CNBD1: variants seen among roughly 807,000 people sequenced by gnomAD.
CNBD1 encodes cyclic nucleotide-binding domain-containing protein 1.
A neutral mutation model predicts 54.4 loss-of-function variants in CNBD1; 71 were observed. The ratio of observed to expected loss-of-function variants is 1.30; its 90% CI spans 1.08 to 1.59. CNBD1 has a LOEUF of 1.59. CNBD1 is among the 40% of genes most tolerant of loss of function. The pLI is 0.00. For synonymous variants in CNBD1, 182 were observed against 170.7 expected (o/e 1.07, Z -0.51); for missense variants, 659 against 518.0 (o/e 1.27, Z -2.64).
At chr8:87,413,631 G>C (rs1208107842) in intron 2 of CNBD1, among the ~76,000 whole-genome samples, 1 of 151,996 alleles carries the variant, frequency 6.6e-6, no homozygotes, top group Non-Finnish European at 1.5e-5. Context: ...ATCTGACAAA[G>C]GGCTAATATC....
chr8:87,083,585 C>CTTTTTTTT (rs752855766), intron 4 of CNBD1, among the ~76,000 whole-genome samples: 1 of 117,162 alleles, frequency 8.5e-6, no homozygotes, highest in African/African-American at 3.3e-5. Context: ...CAATGTATTT[C>CTTTTTTTT]TTTTTTTTTT....
In CNBD1 at chr8:87,032,728, T is replaced by C. The variant is rs186396602; in HGVS notation, c.431+92974T>C. ...TCATTCTTCCACCATTTGCTTTAGT[T>C]TCATTGCCCATATTGTAGAAAGATC... On this transcript the variant is annotated intron_variant, in intron 4 of 10. Coordinates refer to ENST00000518476, the MANE Select transcript of CNBD1 (RefSeq NM_173538.3). 2.3e-3 allele frequency among the ~76,000 whole-genome samples: 355 copies of C among 152,368 alleles called. 6 individuals carry two copies. The Middle Eastern group carries it at 0.048, about 20-fold the overall frequency.
intron 6 of CNBD1, among the ~76,000 whole-genome samples, chr8:87,279,468 G>A (rs926050918): frequency 6.6e-6 from 1 of 151,288 alleles, no homozygotes; most frequent in Non-Finnish European, 1.5e-5. Context: ...ATTGCCTAAA[G>A]CAATACCCTG....
intron 4 of CNBD1, among the ~76,000 whole-genome samples, chr8:86,955,326 A>T (rs1269527137): frequency 6.6e-6 from 1 of 152,206 alleles, no homozygotes; most frequent in Non-Finnish European, 1.5e-5. Flanking sequence ...AGCATGATTG[A>T]TAATCCTTTG....
intron 5 of CNBD1, among the ~76,000 whole-genome samples, chr8:87,211,961 A>C (rs1361203273): frequency 6.6e-6 from 1 of 152,222 alleles, no homozygotes; most frequent in Non-Finnish European, 1.5e-5. Context: ...TAATGTATTA[A>C]ATTGGTAACT....
chr8:87,026,011 T>C (rs1292710025), intron 4 of CNBD1, among the ~76,000 whole-genome samples: 1 of 152,224 alleles, frequency 6.6e-6, no homozygotes, highest in Non-Finnish European at 1.5e-5. Flanking sequence ...CTAAGAGGAA[T>C]GCCATTATGT....
chr8:87,368,657 TGAGA>T (rs1810693883), intron 10 of CNBD1, among the ~76,000 whole-genome samples: 1 of 150,726 alleles, frequency 6.6e-6, no homozygotes, highest in Non-Finnish European at 1.5e-5. Flanking sequence ...GGAGAGAGAG[TGAGA>T]GAGAGACAGA....
intron 4 of CNBD1, among the ~76,000 whole-genome samples, chr8:87,101,982 G>A (rs1423624657): frequency 2.0e-5 from 3 of 150,812 alleles, no homozygotes; most frequent in Middle Eastern, 3.5e-3. Context: ...TCCACCTCCC[G>A]GGTTCAAGTG....
chr8:86,963,386 G>T (rs1017327554), intron 4 of CNBD1, among the ~76,000 whole-genome samples: 2 of 152,138 alleles, frequency 1.3e-5, no homozygotes, highest in African/African-American at 4.8e-5. Flanking sequence ...TTCGACTCCC[G>T]CTGTCATCTG....
intron 8 of CNBD1, among the ~76,000 whole-genome samples, chr8:87,304,769 A>C (rs1457187728): frequency 2.6e-5 from 4 of 152,192 alleles, no homozygotes; most frequent in Non-Finnish European, 5.9e-5. Context: ...TCTTAATGTA[A>C]TAAAAGCCAT....
chr8:87,167,638 T>A (rs2130765315), intron 4 of CNBD1, among the ~76,000 whole-genome samples: 1 of 152,078 alleles, frequency 6.6e-6, no homozygotes, highest in East Asian at 1.9e-4. Flanking sequence ...AAGGTGGATT[T>A]ATAAGAGTTG....
At chr8:87,229,288 A>C (rs1236598478) in intron 5 of CNBD1, among the ~76,000 whole-genome samples, 2 of 151,874 alleles carry the variant, frequency 1.3e-5, no homozygotes, top group Admixed American at 6.6e-5. Context: ...GATTTTTCTT[A>C]AATGCTGGTT....
intron 4 of CNBD1, among the ~76,000 whole-genome samples, chr8:86,995,099 G>T (rs1023013797): frequency 6.6e-6 from 1 of 152,148 alleles, no homozygotes; most frequent in Non-Finnish European, 1.5e-5. Flanking sequence ...TATAAAGCTT[G>T]GTGGGGATGC....
chr8:87,104,916 A>T (rs1242711745), intron 4 of CNBD1, among the ~76,000 whole-genome samples: 1 of 152,208 alleles, frequency 6.6e-6, no homozygotes, highest in Non-Finnish European at 1.5e-5. Context: ...AAACAACTTA[A>T]AGGTGTGATG....
At chr8:87,086,094 T>C (rs1367428284) in intron 4 of CNBD1, among the ~76,000 whole-genome samples, 1 of 152,204 alleles carries the variant, frequency 6.6e-6, no homozygotes, top group African/African-American at 2.4e-5. Context: ...TCTAAGTTCC[T>C]GGTGAGATCC....
intron 8 of CNBD1, among the ~76,000 whole-genome samples, chr8:87,324,756 C>G (rs991407650): frequency 2.7e-5 from 4 of 148,266 alleles, no homozygotes; most frequent in Non-Finnish European, 6.0e-5. Flanking sequence ...AAAACCAGCT[C>G]CTGGATTCAT....
intron 4 of CNBD1, among the ~76,000 whole-genome samples, chr8:87,112,074 T>A (rs1019803845): frequency 2.0e-5 from 3 of 152,108 alleles, no homozygotes; most frequent in Non-Finnish European, 1.5e-5. Flanking sequence ...CAGAACTGAG[T>A]CAGGTGGAGG....
rs142906294 is a variant in CNBD1, at chr8:86,977,436, A to G, written c.431+37682A>G. Among the ~76,000 whole-genome samples, 354 of 150,734 alleles carry G rather than the reference A, an allele frequency of 2.3e-3. 2 individuals carry two copies. The highest frequency in any genetic ancestry group is 4.3e-3 in the Non-Finnish European group (290 of 67,900). Reference sequence around the variant, plus strand: ...CAGATTGGAAGATTTCCAGTGATCTATCTTTGAGTTGACTGATTATTTCTT... The same window carrying G: ...CAGATTGGAAGATTTCCAGTGATCTGTCTTTGAGTTGACTGATTATTTCTT... On this transcript the variant is annotated intron_variant, in intron 4 of 10. Coordinates refer to ENST00000518476, the MANE Select transcript of CNBD1 (RefSeq NM_173538.3).
intron 4 of CNBD1, among the ~76,000 whole-genome samples, chr8:87,047,606 T>A (rs1406890469): frequency 6.6e-6 from 1 of 152,224 alleles, no homozygotes; most frequent in Non-Finnish European, 1.5e-5. Context: ...ATTACAGAAG[T>A]GAGACTGTCT....
Sources: gnomAD v4.1 joint callset for allele counts (sites outside exome capture counted in the v4.1 genomes callset) on GRCh38, gnomAD v4.1.1 for gene constraint, MANE v1.5 for transcripts, NCBI Gene and HGNC (gene_info 2026-07-23, HGNC 2026-07-21) for gene names.